Variants in CSMD1 observed in about 807,000 individuals in gnomAD.
CSMD1 encodes CUB and sushi domain-containing protein 1.
In CSMD1, 213 loss-of-function variants were observed where a neutral mutation model predicts 417.5. The observed-to-expected ratio is 0.51, with a 90% CI of 0.46 to 0.57. The LOEUF is 0.57. CSMD1 is among the 20% of genes least tolerant of loss of function. CSMD1 has a pLI of 0.00. For missense variants in CSMD1, 6,923 were observed against 4,529.7 expected, an observed-to-expected ratio of 1.53 and a Z score of -15.17; for synonymous variants, 2,862 against 1,736.8, an observed-to-expected ratio of 1.65 and a Z score of -16.11.
chr8:3,130,270 G>T (rs1254542158), intron 41 of CSMD1, among the ~76,000 whole-genome samples: 1 of 152,154 alleles, frequency 6.6e-6, no homozygotes, highest in Non-Finnish European at 1.5e-5. Flanking sequence ...GGAGGGGACA[G>T]TTGAGCAGGA....
intron 39 of CSMD1, among the ~76,000 whole-genome samples, chr8:3,151,738 C>G (rs191118441): frequency 6.6e-6 from 1 of 152,258 alleles, no homozygotes; most frequent in East Asian, 1.9e-4. Context: ...TTTCAAGATC[C>G]ATCTTCTCCT....
chr8:4,742,132 G>T (rs1810653974), intron 1 of CSMD1, among the ~76,000 whole-genome samples: 1 of 141,638 alleles, frequency 7.1e-6, no homozygotes, highest in Non-Finnish European at 1.5e-5. Flanking sequence ...CCGGGTTCAC[G>T]CCATTCTCCT....
intron 23 of CSMD1, among the ~76,000 whole-genome samples, chr8:3,324,735 G>A (rs1391322649): frequency 2.0e-5 from 3 of 151,948 alleles, no homozygotes; most frequent in African/African-American, 4.8e-5. Flanking sequence ...GACCCAGGAC[G>A]GGGCGTTTCC....
chr8:3,696,478 C>T (rs1041986254), intron 7 of CSMD1, among the ~76,000 whole-genome samples: 1 of 152,172 alleles, frequency 6.6e-6, no homozygotes, highest in African/African-American at 2.4e-5. Flanking sequence ...AATGCAAATG[C>T]AGTGAACCCA....
chr8:3,550,868 C>T (rs1043913565), intron 10 of CSMD1, among the ~76,000 whole-genome samples: 1 of 152,162 alleles, frequency 6.6e-6, no homozygotes, highest in Non-Finnish European at 1.5e-5. Flanking sequence ...AATATGCATT[C>T]CCATGTTGCC....
intron 1 of CSMD1, among the ~76,000 whole-genome samples, chr8:4,720,572 C>T (rs1383111290): frequency 6.6e-6 from 1 of 152,078 alleles, no homozygotes; most frequent in Admixed American, 6.6e-5. Flanking sequence ...CACATGCCAC[C>T]ATGCCAGGCT....
chr8:4,682,261 G>A (rs890692257), intron 1 of CSMD1, among the ~76,000 whole-genome samples: 15 of 152,170 alleles, frequency 9.9e-5, no homozygotes, highest in East Asian at 1.9e-4. Context: ...AACTCCTGGG[G>A]CTAAAGCAAT....
chr8:3,574,117 T>C (rs1800050157), intron 10 of CSMD1, among the ~76,000 whole-genome samples: 2 of 152,182 alleles, frequency 1.3e-5, no homozygotes, highest in South Asian at 2.1e-4. Flanking sequence ...CTGGAGGAAA[T>C]ATATATTTTA....
At chr8:3,912,917 G>T (rs1479623196) in intron 5 of CSMD1, among the ~76,000 whole-genome samples, 1 of 152,182 alleles carries the variant, frequency 6.6e-6, no homozygotes, top group Non-Finnish European at 1.5e-5. Context: ...AGCTATGGTG[G>T]TCATTCAGGT....
chr8:3,325,044 G>T (rs1806436840), intron 23 of CSMD1, among the ~76,000 whole-genome samples: 1 of 151,994 alleles, frequency 6.6e-6, no homozygotes, highest in African/African-American at 2.4e-5. Context: ...CAGAATTTGT[G>T]GAGCAGAGAA....
chr8:3,958,506 T>A (rs1048555023), intron 5 of CSMD1, among the ~76,000 whole-genome samples: 1 of 152,198 alleles, frequency 6.6e-6, no homozygotes, highest in Non-Finnish European at 1.5e-5. Flanking sequence ...CACTAACATT[T>A]TAGAAATGCA....
At chr8:3,290,711 T>G (rs1389363251) in intron 25 of CSMD1, among the ~76,000 whole-genome samples, 2 of 147,330 alleles carry the variant, frequency 1.4e-5, no homozygotes, top group Non-Finnish European at 2.9e-5. Flanking sequence ...CTTATCAGCT[T>G]AAGGAGATTT....
chr8:4,151,788 A>C (rs1233870669), intron 3 of CSMD1, among the ~76,000 whole-genome samples: 3 of 152,142 alleles, frequency 2.0e-5, no homozygotes, highest in Non-Finnish European at 4.4e-5. Context: ...GCAAATGCTT[A>C]TTTTATATGA....
intron 3 of CSMD1, among the ~76,000 whole-genome samples, chr8:4,161,275 A>C (rs1797144207): frequency 6.6e-6 from 1 of 152,238 alleles, no homozygotes; most frequent in East Asian, 1.9e-4. Flanking sequence ...TAGAAACATT[A>C]CATAACTCAC....
chr8:3,780,916 T>G (rs933018639), intron 5 of CSMD1, among the ~76,000 whole-genome samples: 1 of 152,210 alleles, frequency 6.6e-6, no homozygotes, highest in Non-Finnish European at 1.5e-5. Context: ...AGAATTTAGG[T>G]AAGACCATGG....
At chr8:3,032,020 T>C (rs1463323691) in intron 50 of CSMD1, among the ~76,000 whole-genome samples, 3 of 151,208 alleles carry the variant, frequency 2.0e-5, no homozygotes, top group African/African-American at 7.3e-5. Context: ...TGTGTATGCT[T>C]TGAAAAATAG....
intron 8 of CSMD1, among the ~76,000 whole-genome samples, chr8:3,590,758 C>G (rs117134155): frequency 2.6e-5 from 4 of 152,160 alleles, no homozygotes; most frequent in South Asian, 2.1e-4. Flanking sequence ...GCAGCACAGC[C>G]GAGGAGGAGA....
chr8:4,320,247 A>G (rs1799193162), intron 3 of CSMD1, among the ~76,000 whole-genome samples: 1 of 152,232 alleles, frequency 6.6e-6, no homozygotes, highest in Non-Finnish European at 1.5e-5. Context: ...GAAAAGAAAC[A>G]GGAAAATAAG....
At chr8:4,088,054 T>G (rs1015428235) in intron 3 of CSMD1, among the ~76,000 whole-genome samples, 2 of 152,118 alleles carry the variant, frequency 1.3e-5, no homozygotes, top group African/African-American at 4.8e-5. Context: ...CACCATGACC[T>G]TTGACAATCA....
Sources: gnomAD v4.1 joint callset for allele counts (sites outside exome capture counted in the v4.1 genomes callset) on GRCh38, gnomAD v4.1.1 for gene constraint, MANE v1.5 for transcripts, NCBI Gene and HGNC (gene_info 2026-07-23, HGNC 2026-07-21) for gene names.